Variants in B3GALT1 observed in about 807,000 individuals in gnomAD.
B3GALT1 encodes the protein beta-1,3-galactosyltransferase 1, also known as UDP-Gal:betaGlcNAc beta 1,3-galactosyltransferase, polypeptide 1.
A neutral mutation model predicts 23.2 loss-of-function variants in B3GALT1; 10 were observed. The ratio of observed to expected loss-of-function variants is 0.43; its 90% CI spans 0.27 to 0.73. The LOEUF (loss-of-function observed/expected upper bound fraction) is 0.73. Among genes scored for constraint, B3GALT1 ranks in the 30% least tolerant of loss-of-function variants. The probability of loss-of-function intolerance (pLI) is 0.21; values close to 1 mark genes in which losing one functional copy is unlikely to be tolerated. For missense variants in B3GALT1, 299 were observed against 405.4 expected (o/e 0.74, Z 2.25); for synonymous variants, 156 against 141.5 (o/e 1.10, Z -0.73).
intron 1 of B3GALT1, among the ~76,000 whole-genome samples, chr2:167,334,245 C>G (rs1697020412): frequency 6.6e-6 from 1 of 152,208 alleles, no homozygotes; most frequent in South Asian, 2.1e-4. Context: ...CATTTGGCAA[C>G]TGACTGCCTT....
At chr2:167,859,855 A>G (rs1690065365) in intron 4 of B3GALT1, among the ~76,000 whole-genome samples, 1 of 152,184 alleles carries the variant, frequency 6.6e-6, no homozygotes, top group African/African-American at 2.4e-5. Context: ...AGGGATTTCA[A>G]CATCTATGGG....
chr2:167,774,584 G>A lies in B3GALT1; in HGVS notation c.-351-44088G>A, dbSNP rs527586193. Among the ~76,000 whole-genome samples, 422 of 136,976 alleles carry A rather than the reference G, an allele frequency of 3.1e-3. 2 individuals are homozygous for A. Among genetic ancestry groups the A allele is most frequent in the African/African-American group, 0.01 (385 of 37,642 alleles). 89.9% of individuals were successfully genotyped at this position (136,976 alleles called of 152,430 possible). A position where few individuals can be genotyped will look rare whatever the true frequency, so the allele number is the denominator to read the frequency against. ...GTGATCTCGGCTCACTGCAGTCTCC[G>A]CCTCCCGGGTTCAAGTGATTCTCCT... On this transcript the variant is annotated intron_variant, in intron 3 of 4. Coordinates refer to ENST00000392690, the MANE Select transcript of B3GALT1 (RefSeq NM_020981.4).
At chr2:167,379,169 G>A (rs1362993137) in intron 1 of B3GALT1, among the ~76,000 whole-genome samples, 2 of 152,060 alleles carry the variant, frequency 1.3e-5, no homozygotes, top group African/African-American at 4.8e-5. Flanking sequence ...TCATAAGGGG[G>A]CAGGAAGGAG....
chr2:167,293,764 C>T (rs1295217998), intron 1 of B3GALT1, among the ~76,000 whole-genome samples: 3 of 152,092 alleles, frequency 2.0e-5, no homozygotes, highest in African/African-American at 7.2e-5. Flanking sequence ...GCAAATTGAA[C>T]TTTATTGCGG....
At chr2:167,681,145 C>T (rs1224702593) in intron 3 of B3GALT1, among the ~76,000 whole-genome samples, 8 of 152,198 alleles carry the variant, frequency 5.3e-5, no homozygotes, top group South Asian at 4.1e-4. Context: ...ATGTCAACCG[C>T]GCTGCAGCAA....
At chr2:167,543,775 C>T (rs909769415) in intron 2 of B3GALT1, among the ~76,000 whole-genome samples, 3 of 152,278 alleles carry the variant, frequency 2.0e-5, no homozygotes, top group East Asian at 1.9e-4. Context: ...TGTGGTGCTT[C>T]GTGTCTTTAT....
At chr2:167,620,364 G>A (rs772594288) in intron 2 of B3GALT1, among the ~76,000 whole-genome samples, 18 of 152,088 alleles carry the variant, frequency 1.2e-4, no homozygotes, top group Non-Finnish European at 2.5e-4. Context: ...TAGAGAACAG[G>A]CAGAGGGAGG....
chr2:167,393,189 G>C lies in B3GALT1; in HGVS notation c.-510-96988G>C, dbSNP rs574780237. Among the ~76,000 whole-genome samples, 148 of 151,374 alleles carry C rather than the reference G, an allele frequency of 9.8e-4. No individual in the cohort carries two copies. The East Asian group carries it at 0.011, about 11-fold the overall frequency. Reference sequence around the variant, plus strand: ...GCGGAGCTTGCAGTGAGCCGAGATTGCGCCACTGCACTCCAGCCTGGGCGA... The same window carrying C: ...GCGGAGCTTGCAGTGAGCCGAGATTCCGCCACTGCACTCCAGCCTGGGCGA... On this transcript the variant is annotated intron_variant, in intron 1 of 4. Coordinates refer to ENST00000392690, the MANE Select transcript of B3GALT1 (RefSeq NM_020981.4).
intron 2 of B3GALT1, among the ~76,000 whole-genome samples, chr2:167,622,968 T>G (rs1204692844): frequency 1.3e-5 from 2 of 152,094 alleles, no homozygotes; most frequent in Non-Finnish European, 2.9e-5. Flanking sequence ...AATCTTTTGA[T>G]TCTCCTCAAA....
At chr2:167,761,003 A>G (rs1028213945) in intron 3 of B3GALT1, among the ~76,000 whole-genome samples, 21 of 152,180 alleles carry the variant, frequency 1.4e-4, no homozygotes, top group African/African-American at 4.6e-4. Context: ...ATAATTCAAT[A>G]TTACATGTGC....
intron 3 of B3GALT1, among the ~76,000 whole-genome samples, chr2:167,664,127 T>C (rs1176646143): frequency 6.6e-6 from 1 of 150,620 alleles, no homozygotes. Context: ...CCATCTTGAA[T>C]TGATTTTTGT....
chr2:167,713,963 G>T, intron 3 of B3GALT1: 3 of 1,560,362 alleles, frequency 1.9e-6, no homozygotes, highest in Non-Finnish European at 2.7e-6. Context: ...TGGAAACAAT[G>T]GACCACTGAT....
intron 2 of B3GALT1, among the ~76,000 whole-genome samples, chr2:167,513,091 A>AAAAG (rs1700052263): frequency 6.8e-6 from 1 of 146,204 alleles, no homozygotes. Context: ...AAAAAAAAAA[A>AAAAG]GTGGAATCAC....
intron 1 of B3GALT1, among the ~76,000 whole-genome samples, chr2:167,357,838 A>C (rs1196199292): frequency 2.6e-5 from 4 of 152,236 alleles, no homozygotes; most frequent in Non-Finnish European, 5.9e-5. Context: ...TCATCTTTTT[A>C]AACTGCAATA....
At chr2:167,310,883 T>A (rs1696625462) in intron 1 of B3GALT1, among the ~76,000 whole-genome samples, 1 of 152,136 alleles carries the variant, frequency 6.6e-6, no homozygotes, top group Admixed American at 6.6e-5. Context: ...TTATTTATTT[T>A]TTTTGCTAAT....
intron 1 of B3GALT1, among the ~76,000 whole-genome samples, chr2:167,389,934 AAAAG>A (rs1345518425): frequency 1.4e-5 from 2 of 145,348 alleles, no homozygotes; most frequent in South Asian, 2.1e-4. Flanking sequence ...ACAAAAAAAA[AAAAG>A]AAAGAAAAGA....
chr2:167,753,443 TA>T (rs1248526783), intron 3 of B3GALT1, among the ~76,000 whole-genome samples: 2 of 152,198 alleles, frequency 1.3e-5, no homozygotes, highest in African/African-American at 4.8e-5. Context: ...TCCTGGTCCT[TA>T]AGCCATTTGG....
Position 167,869,166 on chromosome 2 carries a change from G to T in B3GALT1, c.127G>T (p.Val43Phe), listed in dbSNP as rs1172232135. 5 of 1,613,934 alleles carry T rather than the reference G, an allele frequency of 3.1e-6. No individual in the cohort carries two copies. The highest frequency in any genetic ancestry group is 4.2e-6 in the Non-Finnish European group (5 of 1,180,024). Residue 43 changes from valine to phenylalanine, a missense_variant, in exon 5 of 5, where the codon GTT becomes TTT. By Grantham distance (50) the Val-to-Phe change is conservative. Transcript: ENST00000392690. The surrounding 1 kb of genome is among the most constrained non-coding windows in gnomAD (Gnocchi z 6.4). ...CTCCAAACCATTCAGCCACCTAACAGTTGCCAGGAAAAACTTCACCTTTGG... is the reference window on the plus strand; with the variant it reads ...CTCCAAACCATTCAGCCACCTAACATTTGCCAGGAAAAACTTCACCTTTGG... The part of the protein sequence containing the change: ...TGSKPFSHLT[V>F]ARKNFTFGNI...
intron 3 of B3GALT1, among the ~76,000 whole-genome samples, chr2:167,790,615 TC>T (rs1283284335): frequency 6.6e-6 from 1 of 152,182 alleles, no homozygotes; most frequent in Non-Finnish European, 1.5e-5. Flanking sequence ...GAAAGACCCA[TC>T]CCTCCTATCT....
Sources: gnomAD v4.1 joint callset for allele counts (sites outside exome capture counted in the v4.1 genomes callset) on GRCh38, gnomAD v4.1.1 for gene constraint, Gnocchi (gnomAD v3.1) non-coding constraint, MANE v1.5 for transcripts, NCBI Gene and HGNC (gene_info 2026-07-23, HGNC 2026-07-21) for gene names.